The following MALRD1 variants were observed in gnomAD, a reference collection of about 807,000 sequenced individuals.
The protein encoded by MALRD1 is MAM and LDL receptor class A domain containing 1, also known as MAM and LDL-receptor class A domain-containing protein 1.
Under a neutral mutation model 242.1 loss-of-function variants are expected in MALRD1, and 247 were observed. The ratio of observed to expected loss-of-function variants is 1.02; its 90% CI spans 0.92 to 1.13. The LOEUF (loss-of-function observed/expected upper bound fraction) is 1.13, where lower values mean the gene tolerates loss of function less well. Ranked by LOEUF, MALRD1 falls within the 50% of genes most tolerant of loss-of-function variation. The pLI is 0.00. For synonymous variants in MALRD1, 995 were observed against 866.6 expected (o/e 1.15, Z -2.60); for missense variants, 2,989 against 2,533.1 (o/e 1.18, Z -3.86).
At chr10:19,723,586 A>T (rs960673304) in intron 38 of MALRD1, among the ~76,000 whole-genome samples, 11 of 151,546 alleles carry the variant, frequency 7.3e-5, no homozygotes, top group South Asian at 4.2e-4. Flanking sequence ...ACAAAAAATT[A>T]AAAAAATTAG....
At chr10:19,235,746 G>T (rs1838291392) in intron 18 of MALRD1, among the ~76,000 whole-genome samples, 1 of 152,110 alleles carries the variant, frequency 6.6e-6, no homozygotes. Flanking sequence ...AGTGAATGAG[G>T]AGAAACAGGG....
At chr10:19,085,751 G>A (rs535506774) in intron 2 of MALRD1, among the ~76,000 whole-genome samples, 176 of 151,962 alleles carry the variant, frequency 1.2e-3, no homozygotes, top group African/African-American at 4.0e-3. Flanking sequence ...ATAACTTAAT[G>A]TGTCAAATCT....
intron 29 of MALRD1, chr10:19,488,489 AG>A (rs1211231213): frequency 1.3e-5 from 2 of 153,264 alleles, no homozygotes; most frequent in African/African-American, 4.8e-5. Flanking sequence ...GCAGTGAGAA[AG>A]GCAAGACAAA....
Position 19,595,330 on chromosome 10 carries a change from T to C in MALRD1, c.5817T>C (p.Pro1939=). Residue 1939 remains proline, a synonymous_variant, in exon 34 of 40, where the codon CCT becomes CCC. Transcript: ENST00000454679. ...ATGGATCTGATGAAATGGATTGTCC[T>C]CTCAGCCCCACCCCTCCACTCTGTA... ...CIDGSDEMDC[P]LSPTPPLCSN... is the part of the protein sequence containing the mutation. The C allele has an allele frequency of 6.4e-7, 1 of 1,550,798 alleles. No homozygotes were observed. The highest frequency in any genetic ancestry group is 8.7e-7 in the Non-Finnish European group (1 of 1,147,016).
chr10:19,588,465 A>C (rs532783528), intron 33 of MALRD1, among the ~76,000 whole-genome samples: 1 of 152,196 alleles, frequency 6.6e-6, no homozygotes, highest in Non-Finnish European at 1.5e-5. Flanking sequence ...ATTTGAAGTC[A>C]CAATTTTGAG....
chr10:19,294,254 A>G (rs1841586796), intron 21 of MALRD1, among the ~76,000 whole-genome samples: 1 of 152,180 alleles, frequency 6.6e-6, no homozygotes, highest in East Asian at 1.9e-4. Flanking sequence ...CCTGTGAAGA[A>G]TTGTTATAAT....
At chr10:19,505,057 G>A (rs1257334997) in intron 31 of MALRD1, among the ~76,000 whole-genome samples, 1 of 152,148 alleles carries the variant, frequency 6.6e-6, no homozygotes. Context: ...AGGAGAAGAT[G>A]AGGGAGGAGC....
intron 28 of MALRD1, among the ~76,000 whole-genome samples, chr10:19,400,048 C>A (rs954257273): frequency 6.6e-6 from 1 of 152,182 alleles, no homozygotes; most frequent in Non-Finnish European, 1.5e-5. Flanking sequence ...CTTCCCAATT[C>A]TTTTCACCCT....
At chr10:19,472,947 T>C (rs1445896663) in intron 29 of MALRD1, among the ~76,000 whole-genome samples, 1 of 151,328 alleles carries the variant, frequency 6.6e-6, no homozygotes, top group Non-Finnish European at 1.5e-5. Flanking sequence ...TATGAATTTA[T>C]CTCATATCCT....
intron 18 of MALRD1, among the ~76,000 whole-genome samples, chr10:19,246,817 A>G (rs1188507379): frequency 7.2e-5 from 11 of 152,126 alleles, no homozygotes; most frequent in Admixed American, 5.9e-4. Flanking sequence ...TTTTATTTCT[A>G]TATGTACAAA....
At chr10:19,097,316 A>G (rs955455726) in intron 4 of MALRD1, among the ~76,000 whole-genome samples, 1 of 152,144 alleles carries the variant, frequency 6.6e-6, no homozygotes, top group Non-Finnish European at 1.5e-5. Context: ...ATGTTAAAGC[A>G]TTACAGGGGT....
Position 19,708,798 on chromosome 10 carries a change from A to G in MALRD1, c.6314+16244A>G, listed in dbSNP as rs1365869569. On this transcript the variant is annotated intron_variant, in intron 38 of 39. Transcript: ENST00000454679. ...TGCCTCAGCCTCCCGAGTACCTGGG[A>G]CTACAGGCGCACGCCACCACACCCA... is the stretch of plus-strand genomic sequence containing the variant. Among the ~76,000 whole-genome samples, 2 of 121,662 alleles carry G rather than the reference A, an allele frequency of 1.6e-5. 1 individual carries two copies. Among genetic ancestry groups the G allele is most frequent in the African/African-American group, 5.2e-5 (2 of 38,150 alleles). The allele number at this position is 121,662 out of a possible 152,430, so 79.8% of individuals were successfully genotyped here. A position where few individuals can be genotyped will look rare whatever the true frequency, so the allele number is the denominator to read the frequency against.
At chr10:19,303,252 C>G (rs998492607) in intron 21 of MALRD1, among the ~76,000 whole-genome samples, 2 of 151,588 alleles carry the variant, frequency 1.3e-5, no homozygotes, top group African/African-American at 2.4e-5. Flanking sequence ...ATATAAATAT[C>G]TGAGAAAATA....
chr10:19,419,939 C>A (rs997337975), intron 28 of MALRD1, among the ~76,000 whole-genome samples: 1 of 152,090 alleles, frequency 6.6e-6, no homozygotes, highest in Non-Finnish European at 1.5e-5. Context: ...ACTCACTGTC[C>A]TCTATTAAAT....
chr10:19,561,027 A>G (rs926815225), intron 32 of MALRD1, among the ~76,000 whole-genome samples: 7 of 152,176 alleles, frequency 4.6e-5, no homozygotes, highest in African/African-American at 1.7e-4. Context: ...TTAAAAATCT[A>G]TCTAATATAT....
intron 18 of MALRD1, among the ~76,000 whole-genome samples, chr10:19,250,953 A>C (rs550032653): frequency 6.6e-6 from 1 of 151,708 alleles, no homozygotes; most frequent in African/African-American, 2.4e-5. Context: ...TTTCTCTTTT[A>C]ATATTATTAT....
rs189159586 is a variant in MALRD1, at chr10:19,237,284, T to C, written c.2992-20400T>C. On this transcript the variant is annotated intron_variant, in intron 18 of 39. Coordinates refer to ENST00000454679, the MANE Select transcript of MALRD1 (RefSeq NM_001142308.3). Reference sequence around the variant, plus strand: ...AACTGTTAACCAGTCTCCCTCCATTTTGCCCTCCCCACTTCTTCCTCACTG... The same window carrying C: ...AACTGTTAACCAGTCTCCCTCCATTCTGCCCTCCCCACTTCTTCCTCACTG... Among the ~76,000 whole-genome samples the C allele has an allele frequency of 2.6e-5, 4 of 151,370 alleles. No homozygotes were observed. The East Asian group carries it at 7.7e-4, about 29-fold the overall frequency.
chr10:19,336,741 G>A (rs1843630473), intron 24 of MALRD1, among the ~76,000 whole-genome samples: 1 of 152,024 alleles, frequency 6.6e-6, no homozygotes, highest in Non-Finnish European at 1.5e-5. Context: ...AGTAGATAGA[G>A]AAAAATGTTT....
At chr10:19,454,594 A>C (rs150853177) in intron 29 of MALRD1, among the ~76,000 whole-genome samples, 4 of 151,408 alleles carry the variant, frequency 2.6e-5, no homozygotes, top group East Asian at 1.9e-4. Flanking sequence ...TTGTAAGTCA[A>C]ATCATTGTAA....
Sources: allele counts gnomAD v4.1 joint callset (sites outside exome capture counted in the v4.1 genomes callset), GRCh38; gene constraint gnomAD v4.1.1; transcripts MANE v1.5; gene names NCBI Gene and HGNC (gene_info 2026-07-23, HGNC 2026-07-21).